The following EIPR1 variants were observed in gnomAD, a reference collection of about 807,000 sequenced individuals.
EIPR1 encodes the protein EARP complex and GARP complex interacting protein 1, also known as EARP and GARP complex-interacting protein 1.
Under a neutral mutation model 48.1 loss-of-function variants are expected in EIPR1, and 25 were observed. That is an observed-to-expected ratio of 0.52 (90% CI 0.38 to 0.73). The LOEUF is 0.73. EIPR1 is among the 30% of genes least tolerant of loss of function. The pLI, the probability that EIPR1 is intolerant of heterozygous loss-of-function variation, is 0.00. For missense variants in EIPR1, 415 were observed against 506.2 expected (o/e 0.82, Z 1.73); for synonymous variants, 204 against 201.9 (o/e 1.01, Z -0.09).
intron 3 of EIPR1, among the ~76,000 whole-genome samples, chr2:3,271,156 A>G (rs1044418638): frequency 2.0e-5 from 3 of 152,200 alleles, no homozygotes; most frequent in African/African-American, 7.2e-5. Flanking sequence ...TTCAGGCTCC[A>G]CTTCTAATTC....
chr2:3,248,781 C>G lies in EIPR1; in HGVS notation c.416+8518G>C, dbSNP rs1244592111. ...GTGAGACTGTCTAAAAAAAAGAAAA[C>G]TAAATTAAATTAAAAATAAAGAGTC... On this transcript the variant is annotated intron_variant, in intron 4 of 8. Coordinates refer to ENST00000382125, the MANE Select transcript of EIPR1 (RefSeq NM_003310.5). Among the ~76,000 whole-genome samples, 4 of 152,010 alleles carry G rather than the reference C, an allele frequency of 2.6e-5. No individual in the cohort carries two copies. The East Asian group carries it at 7.7e-4, about 29-fold the overall frequency.
intron 4 of EIPR1, among the ~76,000 whole-genome samples, chr2:3,245,661 T>C (rs540744668): frequency 6.6e-6 from 1 of 152,344 alleles, no homozygotes; most frequent in African/African-American, 2.4e-5. Flanking sequence ...AATAGACAAC[T>C]CTGCTCAGGA....
chr2:3,363,105 T>C (rs1670889769), intron 1 of EIPR1, among the ~76,000 whole-genome samples: 1 of 152,064 alleles, frequency 6.6e-6, no homozygotes, highest in Admixed American at 6.6e-5. Context: ...CACAACACTA[T>C]GTCGTCAGCA....
chr2:3,243,297 G>C (rs1481116544), intron 4 of EIPR1, among the ~76,000 whole-genome samples: 1 of 152,050 alleles, frequency 6.6e-6, no homozygotes, highest in Non-Finnish European at 1.5e-5. Flanking sequence ...CATAGAACTT[G>C]GGCATAGCTC....
intron 4 of EIPR1, among the ~76,000 whole-genome samples, chr2:3,222,916 C>T (rs555561598): frequency 2.0e-5 from 3 of 152,278 alleles, no homozygotes; most frequent in South Asian, 2.1e-4. Context: ...AGAGTAGTGA[C>T]GGGCGGTTCC....
At chr2:3,198,730 A>G (rs1664896760) in intron 5 of EIPR1, among the ~76,000 whole-genome samples, 1 of 152,088 alleles carries the variant, frequency 6.6e-6, no homozygotes, top group Non-Finnish European at 1.5e-5. Context: ...GCAATTTTCA[A>G]AGGGGAGGGA....
intron 3 of EIPR1, among the ~76,000 whole-genome samples, chr2:3,263,481 C>T (rs533277962): frequency 2.6e-5 from 4 of 152,166 alleles, no homozygotes; most frequent in African/African-American, 7.2e-5. Flanking sequence ...GACCACCCCT[C>T]AACGGCCCCA....
intron 4 of EIPR1, among the ~76,000 whole-genome samples, chr2:3,252,325 T>G (rs1667026392): frequency 6.6e-6 from 1 of 152,046 alleles, no homozygotes; most frequent in East Asian, 1.9e-4. Flanking sequence ...GTGCAACAGC[T>G]CACACCTGTA....
At position 3,257,372 on chromosome 2, in the gene EIPR1, C is replaced by G. The variant is rs1667191562; in HGVS notation, c.343G>C (p.Asp115His). ...AGGGTCTGTGCAGTGCTGGATGAAT[C>G]ATCAGGGGACTCGTGGCTGCCTGAT... is the stretch of plus-strand genomic sequence containing the variant. The part of the protein sequence containing the change: ...LESGSHESPD[D>H]SSSTAQTLEL... The change falls in exon 4 of 9, where the codon GAT becomes CAT. Residue 115 changes from aspartate (D) to histidine (H), a missense_variant. Physicochemically the swap from Asp to His is moderately conservative, Grantham distance 81. Coordinates refer to ENST00000382125, the MANE Select transcript of EIPR1 (RefSeq NM_003310.5). The G allele has an allele frequency of 1.2e-6, 2 of 1,614,026 alleles. No homozygotes were observed. Among genetic ancestry groups the G allele is most frequent in the Non-Finnish European group, 1.7e-6 (2 of 1,180,036 alleles).
At chr2:3,328,015 G>T (rs114097937) in intron 3 of EIPR1, among the ~76,000 whole-genome samples, 78 of 152,186 alleles carry the variant, frequency 5.1e-4, no homozygotes, top group African/African-American at 1.8e-3. Context: ...CATTTCTAAG[G>T]GTAAAAAAGA....
chr2:3,350,125 A>C (rs1670527324), intron 2 of EIPR1, among the ~76,000 whole-genome samples: 3 of 150,062 alleles, frequency 2.0e-5, no homozygotes, highest in Admixed American at 1.3e-4. Flanking sequence ...CTCAAAAAAA[A>C]AAAAAAAAAA....
intron 3 of EIPR1, chr2:3,301,198 T>C (rs979227910): frequency 2.6e-5 from 4 of 152,198 alleles, no homozygotes; most frequent in African/African-American, 7.2e-5. Context: ...GATTCCGCAA[T>C]GAGCCTTGCT....
chr2:3,204,264 C>T (rs1352139778), intron 5 of EIPR1, among the ~76,000 whole-genome samples: 3 of 152,216 alleles, frequency 2.0e-5, no homozygotes, highest in Non-Finnish European at 4.4e-5. Flanking sequence ...GGATCTGTCA[C>T]CTGACTCCAC....
Position 3,189,251 on chromosome 2 carries a change from T to G in EIPR1, c.*83A>C. The G allele has an allele frequency of 1.5e-6, 2 of 1,351,258 alleles. No individual in the cohort carries two copies. Among genetic ancestry groups the G allele is most frequent in the Non-Finnish European group, 2.0e-6 (2 of 1,023,406 alleles). The allele number at this position is 1,351,258 out of a possible 1,614,324, so 83.7% of individuals were successfully genotyped here. ...GAGAGGGATCCACCTGGAACACGAG[T>G]CACCTCCAAAGAGCTGCGACTGTTT... is the stretch of plus-strand genomic sequence containing the variant. On this transcript the variant is annotated 3_prime_UTR_variant, in exon 9 of 9. Transcript: ENST00000382125. The surrounding 1 kb of genome is among the most constrained non-coding windows in gnomAD (Gnocchi z 4.6).
At chr2:3,343,766 C>G (rs1414677786) in intron 2 of EIPR1, among the ~76,000 whole-genome samples, 1 of 152,198 alleles carries the variant, frequency 6.6e-6, no homozygotes, top group Non-Finnish European at 1.5e-5. Context: ...CAGGGCCAGG[C>G]TGCCGAGTAC....
At chr2:3,240,430 G>C (rs1666570250) in intron 4 of EIPR1, among the ~76,000 whole-genome samples, 1 of 150,138 alleles carries the variant, frequency 6.7e-6, no homozygotes, top group Non-Finnish European at 1.5e-5. Context: ...AGCAAAGCCA[G>C]CAGATCCTTC....
rs182423857 is a variant in EIPR1, at chr2:3,281,035, C to T, written c.260-23580G>A. Among the ~76,000 whole-genome samples the T allele has an allele frequency of 6.6e-5, 10 of 152,240 alleles. No homozygotes were observed. The East Asian group carries it at 1.7e-3, about 26-fold the overall frequency. On this transcript the variant is annotated intron_variant, in intron 3 of 8. Coordinates refer to ENST00000382125, the MANE Select transcript of EIPR1 (RefSeq NM_003310.5). The stretch of plus-strand genomic sequence containing the variant: ...TCTCCTACGTGGTCCTCTAGGAGAA[C>T]CCAAGCACCATACCCACCCCCATCC...
intron 3 of EIPR1, among the ~76,000 whole-genome samples, chr2:3,270,412 C>T (rs375988085): frequency 5.9e-5 from 9 of 152,318 alleles, no homozygotes; most frequent in Middle Eastern, 6.8e-3. Context: ...CGTCTCCATG[C>T]GGCGGTGGTA....
intron 4 of EIPR1, among the ~76,000 whole-genome samples, chr2:3,218,880 T>C (rs1179591532): frequency 1.0e-5 from 1 of 97,946 alleles, no homozygotes; most frequent in Non-Finnish European, 2.1e-5. Flanking sequence ...GCTCTAGAGC[T>C]TTCACAGTGA....
Sources: gnomAD v4.1 joint callset for allele counts (sites outside exome capture counted in the v4.1 genomes callset) on GRCh38, gnomAD v4.1.1 for gene constraint, Gnocchi (gnomAD v3.1) non-coding constraint, MANE v1.5 for transcripts, NCBI Gene and HGNC (gene_info 2026-07-23, HGNC 2026-07-21) for gene names.